Variants in FCN2 observed in about 807,000 individuals in gnomAD.
The protein encoded by FCN2 is ficolin 2.
In FCN2, 31 loss-of-function variants were observed where a neutral mutation model predicts 32.5. That is an observed-to-expected ratio of 0.96 (90% CI 0.72 to 1.29). The LOEUF (loss-of-function observed/expected upper bound fraction) is 1.29, where lower values mean the gene tolerates loss of function less well. FCN2 is among the 50% of genes most tolerant of loss of function. The pLI, the probability that FCN2 is intolerant of heterozygous loss-of-function variation, is 0.00. For synonymous variants in FCN2, 181 were observed against 164.5 expected (o/e 1.10, Z -0.77); for missense variants, 412 against 406.5 (o/e 1.01, Z -0.12).
the FCN2 span, among the ~76,000 whole-genome samples, chr9:134,873,319 A>G: frequency 6.6e-6 from 1 of 152,198 alleles, no homozygotes; most frequent in Non-Finnish European, 1.5e-5. Context: ...AGTTGTTGAT[A>G]GGGCTGGGTT....
At position 134,885,906 on chromosome 9, in the gene FCN2, G is replaced by A. The variant is rs992072197; in HGVS notation, c.559+9G>A. 6.2e-6 allele frequency: 10 copies of A among 1,605,432 alleles called. No homozygotes were observed. The highest frequency in any genetic ancestry group is 2.2e-5 in the East Asian group (1 of 44,782). On this transcript the variant is annotated intron_variant, in intron 6 of 7. Transcript: ENST00000291744. ...CGCCCTGACCGCCCAGGGTAGGGCC[G>A]CTGCTGGGGCTTGGGGGTCGGGGGC...
Position 134,882,599 on chromosome 9 carries a change from C to T in FCN2, c.174C>T (p.Ala58=), listed in dbSNP as rs150556789. 1.2e-5 allele frequency: 20 copies of T among 1,613,952 alleles called. No individual in the cohort carries two copies. The East Asian group carries it at 1.3e-4, about 11-fold the overall frequency. ...GAGGCTGTCCGGGGCTGCCTGGGGC[C>T]CCTGGGCCCAAGGGAGAGGCAGGCA... The part of the protein sequence containing the change: ...ILRGCPGLPG[A]PGPKGEAGTN... The change falls in exon 2 of 8, where the codon GCC becomes GCT. Residue 58 remains alanine, a synonymous_variant. Transcript: ENST00000291744.
chr9:134,886,862 G>C (rs773238331), intron 7 of FCN2, among the ~76,000 whole-genome samples: 10 of 152,196 alleles, frequency 6.6e-5, no homozygotes, highest in Non-Finnish European at 1.3e-4. Context: ...ATGGCTGGAA[G>C]GGGTCTGCCA....
chr9:134,882,249 T>C (rs192562811), intron 1 of FCN2, among the ~76,000 whole-genome samples: 10 of 152,336 alleles, frequency 6.6e-5, no homozygotes, highest in Admixed American at 3.9e-4. Context: ...AGGTTTGCCT[T>C]CAGGCAGGGT....
Position 134,882,401 on chromosome 9 carries a change from T to C in FCN2, c.101-125T>C. 4.9e-6 allele frequency: 4 copies of C among 813,084 alleles called. No homozygotes were observed. In the South Asian group the frequency reaches 5.8e-5, roughly 12 times the overall value. The allele number at this position is 813,084 out of a possible 1,614,324, so 50.4% of individuals were successfully genotyped here. On this transcript the variant is annotated intron_variant, in intron 1 of 7. Coordinates refer to ENST00000291744, the MANE Select transcript of FCN2 (RefSeq NM_004108.3). Reference sequence around the variant, plus strand: ...CAGCTGAGGGAGGTGGCTGTGGCTATAGCCATCTGCCCAGTCCTGATGTCA... The same window carrying C: ...CAGCTGAGGGAGGTGGCTGTGGCTACAGCCATCTGCCCAGTCCTGATGTCA...
chr9:134,864,943 C>T, the FCN2 span, among the ~76,000 whole-genome samples: 12 of 152,208 alleles, frequency 7.9e-5, no homozygotes, highest in Non-Finnish European at 1.8e-4. Flanking sequence ...GCCGTCTCCC[C>T]GGGGCCGAAT....
chr9:134,884,054 C>G (rs1263945023), intron 3 of FCN2, among the ~76,000 whole-genome samples: 2 of 151,970 alleles, frequency 1.3e-5, no homozygotes, highest in African/African-American at 2.4e-5. Flanking sequence ...GAGGCCCTGT[C>G]TTGTCCCCTC....
chr9:134,880,641 C>T (rs889517274), upstream of FCN2, among the ~76,000 whole-genome samples: 1 of 152,146 alleles, frequency 6.6e-6, no homozygotes, highest in Non-Finnish European at 1.5e-5. Context: ...GCCATGGGAT[C>T]CCCAAGGGGC....
intron 3 of FCN2, 104 bp downstream of exon 3, chr9:134,883,459 G>A: frequency 1.9e-6 from 2 of 1,048,290 alleles, no homozygotes; most frequent in South Asian, 1.3e-5. Context: ...GTCCTCGCCA[G>A]AGCCAACGCC....
chr9:134,886,015 GCACA>G, intron 6 of FCN2, 118 bp downstream of exon 6: 1 of 1,108,318 alleles, frequency 9.0e-7, no homozygotes, highest in Non-Finnish European at 1.3e-6. Flanking sequence ...TGGGCCCTGA[GCACA>G]CTCAGGGTGG....
chr9:134,878,607 C>T (rs1253315474), upstream of FCN2, among the ~76,000 whole-genome samples: 1 of 152,198 alleles, frequency 6.6e-6, no homozygotes, highest in Non-Finnish European at 1.5e-5. Context: ...CTTAGGGAGG[C>T]CAAGGTGGGT....
chr9:134,885,132 C>A, intron 4 of FCN2, 107 bp from the exon 5 acceptor site: 2 of 1,473,864 alleles, frequency 1.4e-6, no homozygotes, highest in South Asian at 1.2e-5. Flanking sequence ...CCGCTCTGTT[C>A]ATACAGACGC....
intron 3 of FCN2, among the ~76,000 whole-genome samples, chr9:134,884,356 G>T (rs547244883): frequency 6.6e-6 from 1 of 152,218 alleles, no homozygotes; most frequent in South Asian, 2.1e-4. Context: ...CGCAGGTTTG[G>T]TGCCCACACC....
At chr9:134,885,933 C>A in intron 6 of FCN2, 36 bp downstream of exon 6, 1 of 1,585,292 alleles carries the variant, frequency 6.3e-7, no homozygotes. Flanking sequence ...GTCGGGGGCC[C>A]TGAATGGGGG....
At position 134,885,685 on chromosome 9, in the gene FCN2, G is replaced by T. The variant is rs2133007148; in HGVS notation, c.430-83G>T. 4 of 1,589,870 alleles carry T rather than the reference G, an allele frequency of 2.5e-6. No homozygotes were observed. The Admixed American group carries it at 6.7e-5, about 27-fold the overall frequency. ...CTGTGATGCTCTGCCAACTACAAAT[G>T]CTGCTCCTCTGGAGGGCGGGTCCCC... On this transcript the variant is annotated intron_variant, in intron 5 of 7. Transcript: ENST00000291744.
Position 134,887,036 on chromosome 9 carries a change from T to C in FCN2, c.695-132T>C, listed in dbSNP as rs573645901. The C allele has an allele frequency of 1.7e-5, 18 of 1,053,676 alleles. No homozygotes were observed. The South Asian group carries it at 2.2e-4, about 13-fold the overall frequency. 65.3% of individuals were successfully genotyped at this position (1,053,676 alleles called of 1,614,324 possible). Reference sequence around the variant, plus strand: ...TCACTGGAGTCATGGATTGCACTTCTTGGATTGTGCAGTGCACAACCTGCC... The same window carrying C: ...TCACTGGAGTCATGGATTGCACTTCCTGGATTGTGCAGTGCACAACCTGCC... On this transcript the variant is annotated intron_variant, in intron 7 of 7. Transcript: ENST00000291744.
the FCN2 span, among the ~76,000 whole-genome samples, chr9:134,874,428 T>C: frequency 3.9e-3 from 599 of 152,352 alleles, 6 homozygotes; most frequent in Middle Eastern, 0.024. Context: ...GTTCTTTTTG[T>C]TACATATTCA....
At chr9:134,880,296 A>T (rs1035221875), upstream of FCN2, among the ~76,000 whole-genome samples, 22 of 152,110 alleles carry the variant, frequency 1.4e-4, no homozygotes, top group Non-Finnish European at 4.4e-5. Context: ...TCACCCTGGC[A>T]GCCTGCCTGG....
intron 3 of FCN2, 69 bp from the exon 4 acceptor site, chr9:134,884,671 G>C: frequency 1.3e-6 from 2 of 1,488,078 alleles, no homozygotes; most frequent in Non-Finnish European, 1.9e-6. Flanking sequence ...GGTGTCCGCG[G>C]ACCAATGGGG....
Sources: allele counts gnomAD v4.1 joint callset (sites outside exome capture counted in the v4.1 genomes callset), GRCh38; gene constraint gnomAD v4.1.1; transcripts MANE v1.5; gene names NCBI Gene and HGNC (gene_info 2026-07-23, HGNC 2026-07-21).